DAOA: variants seen among roughly 807,000 people sequenced by gnomAD.
The protein encoded by DAOA is D-amino acid oxidase regulator.
A neutral mutation model predicts 16.4 loss-of-function variants in DAOA; 15 were observed. That is an observed-to-expected ratio of 0.91 (90% confidence interval 0.61 to 1.41). The LOEUF is 1.41. DAOA is among the 40% of genes most tolerant of loss of function. DAOA has a pLI of 0.00. For synonymous variants in DAOA, 75 were observed against 59.1 expected, an observed-to-expected ratio of 1.27 and a Z score of -1.23; for missense variants, 230 against 176.8, an observed-to-expected ratio of 1.30 and a Z score of -1.71.
chr13:105,478,206 A>G (rs1167112171), intron 4 of DAOA, among the ~76,000 whole-genome samples: 1 of 152,180 alleles, frequency 6.6e-6, no homozygotes, highest in East Asian at 1.9e-4. Flanking sequence ...TTTTTTACAC[A>G]AATGTACCTT....
At chr13:105,489,647 A>G in intron 4 of DAOA, 1 of 811,894 alleles carries the variant, frequency 1.2e-6, no homozygotes, top group Non-Finnish European at 1.8e-6. Flanking sequence ...GGCAATTCCT[A>G]CAATTCTTTA....
intron 2 of DAOA, 77 bp downstream of exon 2, chr13:105,466,409 G>A: frequency 1.2e-6 from 2 of 1,606,734 alleles, no homozygotes. Flanking sequence ...AGAGCTCCCA[G>A]GGTGAATGTT....
At chr13:105,466,891 A>G (rs1876559357) in intron 2 of DAOA, 162 bp from the exon 3 acceptor site, 1 of 999,774 alleles carries the variant, frequency 1.0e-6, no homozygotes, top group East Asian at 3.5e-5. Context: ...CTTCATCTAT[A>G]AAAATAAAAA....
chr13:105,477,908 T>G (rs1877449261), intron 4 of DAOA, among the ~76,000 whole-genome samples: 2 of 152,190 alleles, frequency 1.3e-5, no homozygotes, highest in South Asian at 4.1e-4. Context: ...ATTATTTCAC[T>G]TGTAAAATTT....
intron 4 of DAOA, among the ~76,000 whole-genome samples, chr13:105,485,748 A>T (rs1019996497): frequency 1.3e-5 from 2 of 152,182 alleles, no homozygotes; most frequent in Non-Finnish European, 2.9e-5. Flanking sequence ...GAAGGTGAAG[A>T]CATACAGGAA....
chr13:105,470,815 GAGT>G (rs10543173), intron 3 of DAOA, among the ~76,000 whole-genome samples: 120,880 of 151,220 alleles, frequency 0.8, 48,535 homozygotes, highest in East Asian at 0.94. Context: ...TTTTTTGATG[GAGT>G]CACGCTCTGT....
At chr13:105,478,996 T>C (rs1228942066) in intron 4 of DAOA, among the ~76,000 whole-genome samples, 2 of 152,234 alleles carry the variant, frequency 1.3e-5, no homozygotes, top group Admixed American at 1.3e-4. Flanking sequence ...GATTCATCCA[T>C]TCATTCAACA....
chr13:105,475,853 GA>G (rs1212838780), intron 4 of DAOA, among the ~76,000 whole-genome samples: 1 of 151,978 alleles, frequency 6.6e-6, no homozygotes, highest in Non-Finnish European at 1.5e-5. Flanking sequence ...GTCTTTATTG[GA>G]ATATCTATTT....
Position 105,466,809 on chromosome 13 carries a change from G to A in DAOA, c.45-244G>A, listed in dbSNP as rs553258173. 6.6e-5 allele frequency among the ~76,000 whole-genome samples: 10 copies of A among 152,078 alleles called. No individual in the cohort carries two copies. In the East Asian group the frequency reaches 1.9e-3, roughly 30 times the overall value. The stretch of plus-strand genomic sequence containing the variant: ...TTTGAGAGCCAGTAAGACCTGGAGT[G>A]AACTCTCCTGTCAGCTATTTACCAA... On this transcript the variant is annotated intron_variant, in intron 2 of 5. Transcript: ENST00000375936.
At chr13:105,481,154 A>T (rs776196624) in intron 4 of DAOA, among the ~76,000 whole-genome samples, 1 of 152,136 alleles carries the variant, frequency 6.6e-6, no homozygotes, top group Non-Finnish European at 1.5e-5. Context: ...AAACATATTA[A>T]TTGGGCCATT....
Position 105,484,030 on chromosome 13 carries a change from T to A in DAOA, c.282-5871T>A, listed in dbSNP as rs1359506312. ...TAGTTAAAGATTTTACACCAACATC[T>A]ATAATTCAACTTGAGTTAAATTTTA... On this transcript the variant is annotated intron_variant, in intron 4 of 5. Transcript: ENST00000375936. Among the ~76,000 whole-genome samples, 14 of 152,264 alleles carry A rather than the reference T, an allele frequency of 9.2e-5. No homozygotes were observed. In the East Asian group the frequency reaches 2.5e-3, roughly 27 times the overall value.
At chr13:105,466,832 C>T (rs1219120967) in intron 2 of DAOA, among the ~76,000 whole-genome samples, 1 of 151,854 alleles carries the variant, frequency 6.6e-6, no homozygotes, top group African/African-American at 2.4e-5. Context: ...AGCTATTTAC[C>T]AACTGTATGA....
intron 4 of DAOA, among the ~76,000 whole-genome samples, chr13:105,489,417 A>T (rs1878352081): frequency 6.6e-6 from 1 of 152,218 alleles, no homozygotes; most frequent in Admixed American, 6.5e-5. Context: ...TCAGGTTTGA[A>T]TCAGGTCTGC....
chr13:105,473,023 C>G (rs1029049829), intron 4 of DAOA, among the ~76,000 whole-genome samples: 2 of 152,006 alleles, frequency 1.3e-5, no homozygotes, highest in African/African-American at 4.8e-5. Context: ...TGTCAAGCAT[C>G]TTGGGTGATA....
At chr13:105,482,020 G>A (rs1877780180) in intron 4 of DAOA, among the ~76,000 whole-genome samples, 1 of 152,146 alleles carries the variant, frequency 6.6e-6, no homozygotes, top group Admixed American at 6.5e-5. Context: ...GGACTTATAT[G>A]GCAGCAGTCA....
At chr13:105,466,863 A>C in intron 2 of DAOA, 190 bp from the exon 3 acceptor site, 2 of 735,598 alleles carry the variant, frequency 2.7e-6, no homozygotes, top group Non-Finnish European at 3.7e-6. Flanking sequence ...TATAAAAAAA[A>C]AATGCAAACC....
chr13:105,480,388 A>G (rs1287470641), intron 4 of DAOA, among the ~76,000 whole-genome samples: 1 of 152,052 alleles, frequency 6.6e-6, no homozygotes, highest in East Asian at 1.9e-4. Context: ...TCATTAAGGA[A>G]GGAGAGGAAT....
At chr13:105,480,550 A>AGATAGATAGATAGAT (rs1555306737) in intron 4 of DAOA, among the ~76,000 whole-genome samples, 12 of 151,762 alleles carry the variant, frequency 7.9e-5, no homozygotes, top group African/African-American at 2.9e-4. Context: ...ATAGATAGAT[A>AGATAGATAGATAGAT]GATAGATAGA....
At chr13:105,488,530 C>T (rs183893928) in intron 4 of DAOA, among the ~76,000 whole-genome samples, 12 of 152,224 alleles carry the variant, frequency 7.9e-5, no homozygotes, top group Middle Eastern at 3.4e-3. Context: ...AGCTTAAAAA[C>T]GCAATTATCT....
Sources: gnomAD v4.1 joint callset for allele counts (sites outside exome capture counted in the v4.1 genomes callset) on GRCh38, gnomAD v4.1.1 for gene constraint, MANE v1.5 for transcripts, NCBI Gene and HGNC (gene_info 2026-07-23, HGNC 2026-07-21) for gene names.